The following NBPF3 variants were observed in gnomAD, a reference collection of about 807,000 sequenced individuals.
NBPF3 encodes the protein NBPF family member NBPF3.
Under a neutral mutation model 78.1 loss-of-function variants are expected in NBPF3, and 57 were observed. The ratio of observed to expected loss-of-function variants is 0.73; its 90% CI spans 0.59 to 0.91. The LOEUF is 0.91. NBPF3 is among the 40% of genes least tolerant of loss of function. NBPF3 has a pLI of 0.00. For synonymous variants in NBPF3, 182 were observed against 271.7 expected (o/e 0.67, Z 3.25); for missense variants, 510 against 715.3 (o/e 0.71, Z 3.27).
chr1:21,475,695 A>G (rs184354481), intron 8 of NBPF3, among the ~76,000 whole-genome samples: 2 of 152,242 alleles, frequency 1.3e-5, no homozygotes, highest in African/African-American at 4.8e-5. Flanking sequence ...ACCTCCAACT[A>G]TGTGGTCAAT....
At chr1:21,473,883 G>C (rs16825380) in intron 7 of NBPF3, among the ~76,000 whole-genome samples, 2,062 of 152,260 alleles carry the variant, frequency 0.014, 54 homozygotes, top group African/African-American at 0.046. Flanking sequence ...CTTGTCACCT[G>C]TGATTAAGTC....
At chr1:21,459,298 A>G (rs573332377) in intron 2 of NBPF3, among the ~76,000 whole-genome samples, 1 of 152,384 alleles carries the variant, frequency 6.6e-6, no homozygotes, top group East Asian at 1.9e-4. Context: ...TTACTCTGCT[A>G]GACTTCAAAC....
intron 2 of NBPF3, chr1:21,452,033 A>G (rs1641340703): frequency 6.3e-6 from 1 of 157,598 alleles, no homozygotes; most frequent in Non-Finnish European, 1.4e-5. Context: ...GTTTCTTCAT[A>G]TCACTTTAAA....
chr1:21,459,456 C>T (rs1199506881), intron 2 of NBPF3, among the ~76,000 whole-genome samples: 2 of 152,150 alleles, frequency 1.3e-5, no homozygotes, highest in Non-Finnish European at 2.9e-5. Flanking sequence ...TAAAAAATCC[C>T]TCCAAAACGT....
At chr1:21,467,661 A>G (rs917421580) in intron 2 of NBPF3, among the ~76,000 whole-genome samples, 1 of 152,222 alleles carries the variant, frequency 6.6e-6, no homozygotes, top group Non-Finnish European at 1.5e-5. Flanking sequence ...GGAAACAACA[A>G]AATAGCATCA....
At chr1:21,467,921 A>G (rs1642368031) in intron 2 of NBPF3, among the ~76,000 whole-genome samples, 2 of 152,366 alleles carry the variant, frequency 1.3e-5, no homozygotes, top group South Asian at 4.1e-4. Flanking sequence ...TGCCCCAGTG[A>G]GAAAAAAGAA....
chr1:21,441,944 T>C (rs1193115334), intron 1 of NBPF3, among the ~76,000 whole-genome samples: 1 of 152,198 alleles, frequency 6.6e-6, no homozygotes, highest in Non-Finnish European at 1.5e-5. Flanking sequence ...TTAAAAATCA[T>C]TTTGCCATTC....
Position 21,483,489 on chromosome 1 carries a change from G to A in NBPF3, c.*103G>A. 2 of 382,276 alleles carry A rather than the reference G, an allele frequency of 5.2e-6. No homozygotes were observed. The highest frequency in any genetic ancestry group is 9.4e-6 in the Non-Finnish European group (2 of 213,162). 23.7% of individuals were successfully genotyped at this position (382,276 alleles called of 1,614,324 possible). On this transcript the variant is annotated 3_prime_UTR_variant, in exon 15 of 15. Coordinates refer to ENST00000318249, the MANE Select transcript of NBPF3 (RefSeq NM_032264.6). Reference sequence around the variant, plus strand: ...GTTCCCTTTGGAAGCCCAGTCATAGGATGGGAAAGTGGGCATGGCTCTATT... The same window carrying A: ...GTTCCCTTTGGAAGCCCAGTCATAGAATGGGAAAGTGGGCATGGCTCTATT...
chr1:21,465,004 CAAAAAAAA>C (rs10531760), intron 2 of NBPF3, among the ~76,000 whole-genome samples: 14 of 99,252 alleles, frequency 1.4e-4, no homozygotes, highest in Non-Finnish European at 1.6e-4. Flanking sequence ...GACCCTGTCT[CAAAAAAAA>C]AAAAAAAAAA....
upstream of NBPF3, chr1:21,436,797 G>A: frequency 1.8e-6 from 2 of 1,115,106 alleles, no homozygotes; most frequent in Non-Finnish European, 1.1e-6. This position sits in a 1 kb window ranked among gnomAD's most constrained non-coding sequence, Gnocchi z 4.3. Context: ...ACAAGCACCA[G>A]CTGCAGGTCC....
intron 2 of NBPF3, among the ~76,000 whole-genome samples, chr1:21,462,458 G>A (rs1642004859): frequency 6.6e-6 from 1 of 152,066 alleles, no homozygotes; most frequent in African/African-American, 2.4e-5. Context: ...AGAACTGTTA[G>A]CATACAACAG....
rs375855827 is a variant in NBPF3, at chr1:21,466,197, G to A, written c.134-2491G>A. 154 of 698,250 alleles carry A rather than the reference G, an allele frequency of 2.2e-4. No individual in the cohort carries two copies. In the South Asian group the frequency reaches 0.011, roughly 50 times the overall value. 43.3% of individuals were successfully genotyped at this position (698,250 alleles called of 1,614,324 possible). ...AGTCCAGGTCATACTGAGAGACAAC[G>A]AGTGGCGCTGACAAGAGACAGACAA... On this transcript the variant is annotated intron_variant, in intron 2 of 14. Transcript: ENST00000318249.
intron 1 of NBPF3, among the ~76,000 whole-genome samples, chr1:21,442,842 T>C (rs1640738800): frequency 6.6e-6 from 1 of 152,026 alleles, no homozygotes; most frequent in Admixed American, 6.6e-5. Flanking sequence ...TCGTATTTTT[T>C]GTAGAGATGG....
At chr1:21,459,611 G>GA in intron 2 of NBPF3, 1 of 226,310 alleles carries the variant, frequency 4.4e-6, no homozygotes, top group Non-Finnish European at 9.7e-6. Context: ...GTATGAGAAG[G>GA]AAAGGGGGGC....
chr1:21,437,198 G>C (rs1640442197), upstream of NBPF3, among the ~76,000 whole-genome samples: 2 of 152,046 alleles, frequency 1.3e-5, no homozygotes, highest in East Asian at 1.9e-4. Context: ...CAGAGCCAGG[G>C]TAGGGAGGAG....
chr1:21,473,893 C>T (rs911627303), intron 7 of NBPF3, among the ~76,000 whole-genome samples: 4 of 152,272 alleles, frequency 2.6e-5, no homozygotes, highest in African/African-American at 4.8e-5. Flanking sequence ...GTGATTAAGT[C>T]GTCTGTCCCT....
chr1:21,459,969 GT>G, intron 2 of NBPF3: 1 of 29,466 alleles, frequency 3.4e-5, no homozygotes, highest in South Asian at 1.8e-3. Context: ...GTTCACGAAG[GT>G]TTTTCCCTGG....
chr1:21,442,496 A>T (rs1032935623), intron 1 of NBPF3: 1 of 152,206 alleles, frequency 6.6e-6, no homozygotes, highest in Non-Finnish European at 1.5e-5. Context: ...GATTACAGGC[A>T]TGAGCCACTG....
At position 21,484,713 on chromosome 1, in the gene NBPF3, T is replaced by A. The variant is rs570609392; in HGVS notation, c.*1327T>A. 1.8e-4 allele frequency: 12 copies of A among 65,224 alleles called. 5 individuals carry two copies. The highest frequency in any genetic ancestry group is 3.4e-4 in the Non-Finnish European group (9 of 26,212). The allele number at this position is 65,224 out of a possible 1,614,324, so 4.0% of individuals were successfully genotyped here. On this transcript the variant is annotated 3_prime_UTR_variant, in exon 15 of 15. Coordinates refer to ENST00000318249, the MANE Select transcript of NBPF3 (RefSeq NM_032264.6). The stretch of plus-strand genomic sequence containing the variant: ...GATCATCCTCTAAACGTTTTATCAT[T>A]TATTAATCATCCCTGCCTGTGTCTA...
Sources: allele counts gnomAD v4.1 joint callset (sites outside exome capture counted in the v4.1 genomes callset), GRCh38; gene constraint gnomAD v4.1.1; non-coding constraint Gnocchi (gnomAD v3.1); transcripts MANE v1.5; gene names NCBI Gene and HGNC (gene_info 2026-07-23, HGNC 2026-07-21).